NBEA: variants seen among roughly 807,000 people sequenced by gnomAD.
The protein encoded by NBEA is neurobeachin, also known as lysosomal-trafficking regulator 2.
Under a neutral mutation model 343.4 loss-of-function variants are expected in NBEA, and 44 were observed. That is an observed-to-expected ratio of 0.13 (90% confidence interval 0.10 to 0.16). The LOEUF (loss-of-function observed/expected upper bound fraction) is 0.16, where lower values mean the gene tolerates loss of function less well. Ranked by LOEUF, NBEA falls within the 10% of genes least tolerant of loss-of-function variation. The pLI, the probability that NBEA is intolerant of heterozygous loss-of-function variation, is 1.00. For synonymous variants in NBEA, 1,175 were observed against 1,238.7 expected, an observed-to-expected ratio of 0.95 and a Z score of 1.08; for missense variants, 2,555 against 3,631.3, an observed-to-expected ratio of 0.70 and a Z score of 7.62.
chr13:35,302,230 A>G (rs1490219671), intron 35 of NBEA, among the ~76,000 whole-genome samples: 1 of 152,184 alleles, frequency 6.6e-6, no homozygotes, highest in African/African-American at 2.4e-5. Flanking sequence ...CTCAGGCTCC[A>G]GGGGGCTGGA....
chr13:34,942,938 A>C lies in NBEA; in HGVS notation c.118A>C (p.Ser40Arg), dbSNP rs765235867. The C allele has an allele frequency of 1.3e-6, 2 of 1,561,046 alleles. No homozygotes were observed. Among genetic ancestry groups the C allele is most frequent in the African/African-American group, 1.4e-5 (1 of 69,544 alleles). The change falls in exon 1 of 59, where the codon AGC (serine) becomes CGC (arginine). Residue 40 changes from serine to arginine, a missense_variant. By Grantham distance (110) the Ser-to-Arg change is moderately radical (BLOSUM62 -1). Around this residue, in one of 21 missense-constraint regions of NBEA, gnomAD observed 122 missense variants for 91.0 expected, o/e 1.34. Coordinates refer to ENST00000379939, the MANE Select transcript of NBEA (RefSeq NM_001385012.1). ...GGSGGGGTGG[S>R]GMGELRGASG... ...CAGCGGTGGTGGCGGCACCGGGGGCAGCGGGATGGGGGAGCTAAGGGGGGC... is the reference window on the plus strand; with the variant it reads ...CAGCGGTGGTGGCGGCACCGGGGGCCGCGGGATGGGGGAGCTAAGGGGGGC...
At chr13:35,459,922 G>C (rs1381428525) in intron 40 of NBEA, among the ~76,000 whole-genome samples, 2 of 152,296 alleles carry the variant, frequency 1.3e-5, no homozygotes, top group East Asian at 3.9e-4. Flanking sequence ...CTATGGGAGA[G>C]AGCATGTTCA....
intron 38 of NBEA, among the ~76,000 whole-genome samples, chr13:35,403,868 C>T (rs1022921595): frequency 9.2e-5 from 14 of 152,030 alleles, no homozygotes; most frequent in Non-Finnish European, 2.1e-4. Context: ...TGACAAAGGG[C>T]TAATATCCAG....
chr13:35,125,824 G>GCATACATACATACATACATA (rs148274320), intron 17 of NBEA, among the ~76,000 whole-genome samples: 1 of 151,272 alleles, frequency 6.6e-6, no homozygotes, highest in African/African-American at 2.4e-5. Flanking sequence ...ATAAACAAAT[G>GCATACATACATACATACATA]CATACATACA....
chr13:35,286,213 T>C (rs1425613939), intron 34 of NBEA, among the ~76,000 whole-genome samples: 1 of 152,118 alleles, frequency 6.6e-6, no homozygotes, highest in Non-Finnish European at 1.5e-5. Context: ...TTAGACAATA[T>C]GTTTGGTAAA....
At chr13:35,204,143 T>C (rs942332764) in intron 31 of NBEA, among the ~76,000 whole-genome samples, 4 of 152,136 alleles carry the variant, frequency 2.6e-5, no homozygotes, top group African/African-American at 9.7e-5. Flanking sequence ...CTCTGTTTCC[T>C]GTCAGATCAG....
rs572609795 is a variant in NBEA, at chr13:35,430,855, AT to A, written c.6180-1412del. Among the ~76,000 whole-genome samples, 9 of 152,262 alleles carry A rather than the reference AT, an allele frequency of 5.9e-5. No homozygotes were observed. In the South Asian group the frequency reaches 1.5e-3, roughly 25 times the overall value. On this transcript the variant is annotated intron_variant, in intron 38 of 58. Transcript: ENST00000379939. ...TTTAAATTAGGGAGGTATACTATTT[AT>A]TACTATTATTCATCAAGTAATCATT...
At chr13:35,650,863 C>T (rs2084484741) in intron 52 of NBEA, among the ~76,000 whole-genome samples, 1 of 152,126 alleles carries the variant, frequency 6.6e-6, no homozygotes, top group Non-Finnish European at 1.5e-5. Flanking sequence ...TGAGCCATGC[C>T]GAAGTAACCT....
intron 16 of NBEA, among the ~76,000 whole-genome samples, chr13:35,121,492 T>C (rs1375148106): frequency 6.6e-6 from 1 of 152,018 alleles, no homozygotes; most frequent in Admixed American, 6.6e-5. Context: ...TGTTTTTTTT[T>C]TTTGACATGT....
chr13:35,645,887 A>T lies in NBEA; in HGVS notation c.7636A>T (p.Ile2546Phe), dbSNP rs1195211504. The change falls in exon 50 of 59, where the codon ATT (isoleucine) becomes TTT (phenylalanine). Residue 2546 changes from isoleucine (I) to phenylalanine (F), a missense_variant. Around this residue, in one of 21 missense-constraint regions of NBEA, gnomAD observed 87 missense variants for 75.0 expected, o/e 1.16. Coordinates refer to ENST00000379939, the MANE Select transcript of NBEA (RefSeq NM_001385012.1). ...CATTAAGATTCCAGAAGCTTATTTC[A>T]TTAGAGACCCCCACACTTTCCTTCT... ...VLREIPEAYF[I>F]RDPHTFLLTK... The T allele has an allele frequency of 1.3e-6, 2 of 1,576,748 alleles. No individual in the cohort carries two copies. Among genetic ancestry groups the T allele is most frequent in the East Asian group, 2.3e-5 (1 of 44,364 alleles).
chr13:35,036,988 C>G (rs2062465286), intron 1 of NBEA, among the ~76,000 whole-genome samples: 1 of 152,134 alleles, frequency 6.6e-6, no homozygotes, highest in African/African-American at 2.4e-5. Context: ...AATAAACTTT[C>G]TACACCTATC....
chr13:35,339,793 A>G (rs2039479392), intron 36 of NBEA, among the ~76,000 whole-genome samples: 1 of 152,038 alleles, frequency 6.6e-6, no homozygotes, highest in South Asian at 2.1e-4. Flanking sequence ...ATGAGATCTC[A>G]CACTCTATCA....
chr13:35,500,192 G>A (rs768174191), intron 41 of NBEA, among the ~76,000 whole-genome samples: 3 of 152,048 alleles, frequency 2.0e-5, no homozygotes, highest in African/African-American at 7.2e-5. Context: ...TTTGTAATTT[G>A]GGCTTCATTT....
chr13:35,629,066 T>C (rs903326703), intron 49 of NBEA, among the ~76,000 whole-genome samples: 16 of 152,380 alleles, frequency 1.1e-4, no homozygotes, highest in Non-Finnish European at 2.1e-4. Context: ...TTGGGAATTA[T>C]GTGCTGTAGT....
At chr13:35,420,065 A>T (rs1274380052) in intron 38 of NBEA, among the ~76,000 whole-genome samples, 2 of 152,040 alleles carry the variant, frequency 1.3e-5, no homozygotes, top group African/African-American at 2.4e-5. Flanking sequence ...TGTTATCTGC[A>T]TATAGGGACA....
At chr13:35,511,956 A>G (rs1022111656) in intron 41 of NBEA, among the ~76,000 whole-genome samples, 1 of 152,184 alleles carries the variant, frequency 6.6e-6, no homozygotes, top group African/African-American at 2.4e-5. Flanking sequence ...TTTAATGTCC[A>G]GTGGAGATGT....
chr13:35,583,815 T>C, intron 45 of NBEA, 83 bp from the exon 46 acceptor site: 1 of 996,474 alleles, frequency 1.0e-6, no homozygotes, highest in Non-Finnish European at 1.5e-6. Context: ...GAATTAACAG[T>C]GAAATACTGA....
At chr13:35,569,101 G>C (rs920445651) in intron 45 of NBEA, among the ~76,000 whole-genome samples, 3 of 152,102 alleles carry the variant, frequency 2.0e-5, no homozygotes, top group Non-Finnish European at 2.9e-5. Context: ...ATAATAGAGT[G>C]GTGAATCATT....
intron 38 of NBEA, among the ~76,000 whole-genome samples, chr13:35,427,228 GT>G (rs2044745887): frequency 6.6e-6 from 1 of 152,126 alleles, no homozygotes; most frequent in African/African-American, 2.4e-5. Context: ...AGAGTTTCCA[GT>G]TTTTCTGCTC....
Sources: allele counts gnomAD v4.1 joint callset (sites outside exome capture counted in the v4.1 genomes callset), GRCh38; gene constraint gnomAD v4.1.1; regional missense constraint gnomAD v4.1.1; transcripts MANE v1.5; gene names NCBI Gene and HGNC (gene_info 2026-07-23, HGNC 2026-07-21).